The following DSCAML1 variants were observed in gnomAD, a reference collection of about 807,000 sequenced individuals.
DSCAML1 encodes the protein cell adhesion molecule DSCAML1.
Under a neutral mutation model 200.5 loss-of-function variants are expected in DSCAML1, and 38 were observed. The ratio of observed to expected loss-of-function variants is 0.19; its 90% CI spans 0.15 to 0.25. DSCAML1 has a LOEUF of 0.25. Among genes scored for constraint, DSCAML1 ranks in the 10% least tolerant of loss-of-function variants. DSCAML1 has a pLI of 1.00. For synonymous variants in DSCAML1, 1,215 were observed against 1,165.0 expected (o/e 1.04, Z -0.87); for missense variants, 2,223 against 2,858.8 (o/e 0.78, Z 5.07).
intron 3 of DSCAML1, among the ~76,000 whole-genome samples, chr11:117,538,053 T>G (rs531762656): frequency 6.6e-6 from 1 of 152,180 alleles, no homozygotes. Flanking sequence ...ATTTGGTGAG[T>G]GTTTTCAACC....
rs1555182039 is a variant in DSCAML1, at chr11:117,532,153, G to GAAAAA, written c.658+222_658+223insTTTTT. On this transcript the variant is annotated intron_variant, in intron 4 of 32. Transcript: ENST00000651296. ...AGACAAAAAAAAAAGGAAAAAAAAG[G>GAAAAA]GAAAAAGAGGGTGAGTCTCGTAGCC... Among the ~76,000 whole-genome samples, 483 of 150,450 alleles carry GAAAAA rather than the reference G, an allele frequency of 3.2e-3. 7 individuals carry two copies. Among genetic ancestry groups the GAAAAA allele is most frequent in the African/African-American group, 0.011 (448 of 40,718 alleles).
At chr11:117,471,723 G>T in intron 15 of DSCAML1, 146 bp downstream of exon 15, 1 of 729,026 alleles carries the variant, frequency 1.4e-6, no homozygotes, top group South Asian at 3.5e-5. Flanking sequence ...GTGATCCAGA[G>T]GTGGACACAA....
intron 1 of DSCAML1, among the ~76,000 whole-genome samples, chr11:117,812,248 C>T (rs1291855451): frequency 3.9e-5 from 6 of 152,184 alleles, no homozygotes; most frequent in Non-Finnish European, 7.3e-5. Context: ...TTACCCCACT[C>T]AATGCCAATA....
intron 3 of DSCAML1, among the ~76,000 whole-genome samples, chr11:117,755,677 C>A (rs1279921467): frequency 6.6e-6 from 1 of 152,162 alleles, no homozygotes. Flanking sequence ...TGTTTTTTAA[C>A]CTTCGTAAGA....
chr11:117,490,080 T>C (rs913417295), intron 11 of DSCAML1, among the ~76,000 whole-genome samples: 1 of 152,034 alleles, frequency 6.6e-6, no homozygotes, highest in African/African-American at 2.4e-5. Flanking sequence ...CTCGTTGAGA[T>C]GGGCAGGCAC....
chr11:117,485,383 A>G (rs2049025334), intron 11 of DSCAML1, among the ~76,000 whole-genome samples: 1 of 152,172 alleles, frequency 6.6e-6, no homozygotes, highest in Non-Finnish European at 1.5e-5. Context: ...TAGGATGGCA[A>G]TGAGCATCAC....
At chr11:117,732,570 CG>C (rs1005410500) in intron 3 of DSCAML1, among the ~76,000 whole-genome samples, 104 of 152,234 alleles carry the variant, frequency 6.8e-4, no homozygotes, top group Middle Eastern at 3.4e-3. Context: ...GAGGTCCGAC[CG>C]GGGAACCTCT....
In DSCAML1 at chr11:117,437,468, C is replaced by A. The variant is rs780344531; in HGVS notation, c.4433-59G>T. On this transcript the variant is annotated intron_variant, in intron 25 of 32. Transcript: ENST00000651296. This position sits in a 1 kb window ranked among gnomAD's most constrained non-coding sequence, Gnocchi z 5.3. Reference sequence around the variant, plus strand: ...AGATTTGGTGGGAGGCAGGACTGGACTGGGCTGGGCTGGAAAGGATTTCCC... The same window carrying A: ...AGATTTGGTGGGAGGCAGGACTGGAATGGGCTGGGCTGGAAAGGATTTCCC... The A allele has an allele frequency of 1.7e-5, 27 of 1,552,042 alleles. No individual in the cohort carries two copies. The highest frequency in any genetic ancestry group is 2.3e-5 in the Non-Finnish European group (26 of 1,145,338).
At chr11:117,573,854 AG>A (rs1211592831) in intron 3 of DSCAML1, among the ~76,000 whole-genome samples, 1 of 152,164 alleles carries the variant, frequency 6.6e-6, no homozygotes, top group Non-Finnish European at 1.5e-5. Flanking sequence ...CAAATCCTTC[AG>A]GGCCCCTGGC....
intron 3 of DSCAML1, among the ~76,000 whole-genome samples, chr11:117,674,059 A>G (rs909664410): frequency 3.3e-5 from 5 of 152,192 alleles, no homozygotes; most frequent in Admixed American, 2.6e-4. Flanking sequence ...CGCACCTTGC[A>G]TGCCTTCGGT....
chr11:117,485,867 T>C (rs572876427), intron 11 of DSCAML1, among the ~76,000 whole-genome samples: 10 of 152,342 alleles, frequency 6.6e-5, no homozygotes, highest in Non-Finnish European at 1.0e-4. Context: ...TCAACCTCCA[T>C]TGAAGTGTCA....
intron 3 of DSCAML1, among the ~76,000 whole-genome samples, chr11:117,560,553 C>A (rs1020817116): frequency 2.6e-5 from 4 of 152,152 alleles, no homozygotes; most frequent in African/African-American, 9.7e-5. Context: ...CAGAACCCAG[C>A]CTTTTGACTC....
chr11:117,692,262 C>G (rs1199288288), intron 3 of DSCAML1, among the ~76,000 whole-genome samples: 1 of 152,028 alleles, frequency 6.6e-6, no homozygotes, highest in Admixed American at 6.6e-5. Flanking sequence ...TAAATCAGCC[C>G]CTTTTGTCTC....
At chr11:117,509,078 C>G (rs1452606155) in intron 8 of DSCAML1, among the ~76,000 whole-genome samples, 1 of 152,012 alleles carries the variant, frequency 6.6e-6, no homozygotes, top group East Asian at 1.9e-4. Flanking sequence ...ACAGACGGAG[C>G]CTCGGGGAGC....
rs1410505039 is a variant in DSCAML1, at chr11:117,780,306, G to GAA, written c.364+186_364+187insTT. On this transcript the variant is annotated intron_variant, in intron 2 of 32. Coordinates refer to ENST00000651296, the MANE Select transcript of DSCAML1 (RefSeq NM_020693.4). The surrounding 1 kb of genome is among the most constrained non-coding windows in gnomAD (Gnocchi z 4.8). ...AAAGAAAGAAAGAAAGAAAGAAAGA[G>GAA]AGAAAGGAGAAAGAAAGGTGTCTCT... 1.2e-3 allele frequency among the ~76,000 whole-genome samples: 122 copies of GAA among 99,264 alleles called. 2 individuals are homozygous for GAA. In the East Asian group the frequency reaches 0.015, roughly 12 times the overall value. 65.1% of individuals were successfully genotyped at this position (99,264 alleles called of 152,430 possible).
chr11:117,509,875 C>G (rs971431676), intron 8 of DSCAML1, among the ~76,000 whole-genome samples: 1 of 152,216 alleles, frequency 6.6e-6, no homozygotes, highest in Non-Finnish European at 1.5e-5. Context: ...ACTGTGGAGT[C>G]CAGCCTACAG....
In DSCAML1 at chr11:117,540,764, C is replaced by T. The variant is rs11216446; in HGVS notation, c.512-8242G>A. Among the ~76,000 whole-genome samples the T allele has an allele frequency of 4.1e-3, 619 of 152,100 alleles. 3 individuals carry two copies. Among genetic ancestry groups the T allele is most frequent in the African/African-American group, 0.014 (594 of 41,462 alleles). On this transcript the variant is annotated intron_variant, in intron 3 of 32. Coordinates refer to ENST00000651296, the MANE Select transcript of DSCAML1 (RefSeq NM_020693.4). The stretch of plus-strand genomic sequence containing the variant: ...GTAAATGACGAGTTGATGGGTGCAG[C>T]AAACCAACATGGCACATGTATGCCT...
At chr11:117,552,112 T>A (rs1016492209) in intron 3 of DSCAML1, among the ~76,000 whole-genome samples, 1 of 151,640 alleles carries the variant, frequency 6.6e-6, no homozygotes, top group Non-Finnish European at 1.5e-5. Flanking sequence ...AGCCTGCAGG[T>A]CCATCGGGGT....
At chr11:117,436,364 G>C (rs1325939423) in intron 26 of DSCAML1, among the ~76,000 whole-genome samples, 2 of 152,168 alleles carry the variant, frequency 1.3e-5, no homozygotes, top group Admixed American at 6.5e-5. Flanking sequence ...GCCTGTTTCA[G>C]AGCTTTGCTT....
Sources: allele counts gnomAD v4.1 joint callset (sites outside exome capture counted in the v4.1 genomes callset), GRCh38; gene constraint gnomAD v4.1.1; non-coding constraint Gnocchi (gnomAD v3.1); transcripts MANE v1.5; gene names NCBI Gene and HGNC (gene_info 2026-07-23, HGNC 2026-07-21).